Variants in GINM1 observed in about 807,000 individuals in gnomAD.
The protein encoded by GINM1 is glycosylated integral membrane protein 1, also known as glycoprotein integral membrane protein 1.
In GINM1, 29 loss-of-function variants were observed where a neutral mutation model predicts 37.8. The observed-to-expected ratio is 0.77, with a 90% CI of 0.57 to 1.05. GINM1 has a LOEUF of 1.05. Ranked by LOEUF, GINM1 falls within the 50% of genes least tolerant of loss-of-function variation. The pLI, the probability that GINM1 is intolerant of heterozygous loss-of-function variation, is 0.00. For synonymous variants in GINM1, 143 were observed against 146.2 expected, an observed-to-expected ratio of 0.98 and a Z score of 0.16; for missense variants, 377 against 397.9, an observed-to-expected ratio of 0.95 and a Z score of 0.45.
Position 149,583,231 on chromosome 6 carries a change from G to A in GINM1, c.881+628G>A, listed in dbSNP as rs557824471. On this transcript the variant is annotated intron_variant, in intron 7 of 7. Coordinates refer to ENST00000367419, the MANE Select transcript of GINM1 (RefSeq NM_138785.5). ...TGTAATCCTGGCACTTTGGGAGGCC[G>A]AGGCGGGCAGATCACAAGGTCAGGA... Among the ~76,000 whole-genome samples, 13 of 152,230 alleles carry A rather than the reference G, an allele frequency of 8.5e-5. No homozygotes were observed. In the East Asian group the frequency reaches 1.7e-3, roughly 20 times the overall value.
intron 3 of GINM1, 85 bp downstream of exon 3, chr6:149,572,688 G>A (rs1777848414): frequency 2.4e-6 from 2 of 837,176 alleles, no homozygotes; most frequent in South Asian, 2.8e-5. Flanking sequence ...TTTTGAGACA[G>A]TCTTGCTCTG....
At chr6:149,568,068 C>T (rs2115053432) in intron 1 of GINM1, among the ~76,000 whole-genome samples, 1 of 152,340 alleles carries the variant, frequency 6.6e-6, no homozygotes, top group South Asian at 2.1e-4. Context: ...GTTCTCCCTT[C>T]TTGGGCCTTC....
At chr6:149,570,892 T>C (rs531637345) in intron 1 of GINM1, among the ~76,000 whole-genome samples, 2 of 152,340 alleles carry the variant, frequency 1.3e-5, no homozygotes, top group South Asian at 4.1e-4. Flanking sequence ...CTTCTTAAAA[T>C]AGTGCTTGCT....
chr6:149,586,891 C>A (rs146955488), intron 7 of GINM1, among the ~76,000 whole-genome samples: 2 of 151,736 alleles, frequency 1.3e-5, no homozygotes, highest in East Asian at 3.9e-4. Context: ...CTCAAGTGAT[C>A]CTCTCACCTC....
chr6:149,584,178 G>A (rs1031513728), intron 7 of GINM1, among the ~76,000 whole-genome samples: 14 of 152,168 alleles, frequency 9.2e-5, no homozygotes, highest in Non-Finnish European at 1.6e-4. Flanking sequence ...GTTTTTCCAC[G>A]TTGGCCCAGC....
chr6:149,585,570 T>C (rs1031793504), intron 7 of GINM1, among the ~76,000 whole-genome samples: 4 of 152,004 alleles, frequency 2.6e-5, no homozygotes, highest in African/African-American at 4.8e-5. Flanking sequence ...AAGACAAATA[T>C]AAAGATTTTT....
At chr6:149,574,047 A>AT (rs35023561) in intron 3 of GINM1, among the ~76,000 whole-genome samples, 3,629 of 129,302 alleles carry the variant, frequency 0.028, 77 homozygotes, top group Non-Finnish European at 0.043. Flanking sequence ...TATACATAGG[A>AT]TTTTTTTTTT....
At chr6:149,572,801 G>A (rs544046574) in intron 3 of GINM1, among the ~76,000 whole-genome samples, 198 bp downstream of exon 3, 151 of 152,194 alleles carry the variant, frequency 9.9e-4, no homozygotes, top group African/African-American at 3.4e-3. Context: ...AGCTGGGACT[G>A]CAGGCATGTG....
In GINM1 at chr6:149,573,884, T is replaced by C. The variant is rs574846622; in HGVS notation, c.277+1281T>C. On this transcript the variant is annotated intron_variant, in intron 3 of 7. Coordinates refer to ENST00000367419, the MANE Select transcript of GINM1 (RefSeq NM_138785.5). ...GGATAGCAAGAGCCAAGAAAATGAA[T>C]TGTCTGATTATCTAGTATTCAGTTT... 2.0e-5 allele frequency among the ~76,000 whole-genome samples: 3 copies of C among 151,480 alleles called. No homozygotes were observed. The South Asian group carries it at 6.3e-4, about 32-fold the overall frequency.
intron 7 of GINM1, 43 bp downstream of exon 7, chr6:149,582,646 TA>T (rs1392242150): frequency 7.6e-7 from 1 of 1,323,734 alleles, no homozygotes; most frequent in South Asian, 1.4e-5. Flanking sequence ...TTTTAATGAT[TA>T]AAAAGTGAGA....
In GINM1 at chr6:149,574,875, G is replaced by A. The variant is rs2115057663; in HGVS notation, c.277+2272G>A. ...AGAGTGAGACCCTGTCTCAAAAAAT[G>A]AATTTAAAAAATAAAAATAAATAAA... On this transcript the variant is annotated intron_variant, in intron 3 of 7. Coordinates refer to ENST00000367419, the MANE Select transcript of GINM1 (RefSeq NM_138785.5). Among the ~76,000 whole-genome samples, 3 of 152,188 alleles carry A rather than the reference G, an allele frequency of 2.0e-5. No individual in the cohort carries two copies. In the Middle Eastern group the frequency reaches 0.01, roughly 518 times the overall value.
chr6:149,583,324 G>A (rs779978617), intron 7 of GINM1, among the ~76,000 whole-genome samples: 21 of 152,100 alleles, frequency 1.4e-4, no homozygotes, highest in East Asian at 7.7e-4. Context: ...TTAGCCAGCC[G>A]TGGTGGCAGG....
At chr6:149,572,456 T>C (rs1254482858) in intron 2 of GINM1, 51 bp from the exon 3 acceptor site, 1 of 1,309,520 alleles carries the variant, frequency 7.6e-7, no homozygotes, top group African/African-American at 1.5e-5. Flanking sequence ...TTGAAGAGTT[T>C]GCTATTGTTT....
Position 149,582,438 on chromosome 6 carries a change from A to C in GINM1, c.718-2A>C, listed in dbSNP as rs375106655. On this transcript the variant is annotated splice_acceptor_variant, in intron 6 of 7. Coordinates refer to ENST00000367419, the MANE Select transcript of GINM1 (RefSeq NM_138785.5). LOFTEE classifies it high-confidence loss of function. ...CATATCTAATCGAAATTCCTTTTTC[A>C]GGTAATGTGTCAGTGGATGGAAAAG... 1 of 1,596,790 alleles carries C rather than the reference A, an allele frequency of 6.3e-7. No individual in the cohort carries two copies. The highest frequency in any genetic ancestry group is 1.4e-5 in the African/African-American group (1 of 73,888).
At chr6:149,571,187 T>G (rs1426929677) in intron 1 of GINM1, among the ~76,000 whole-genome samples, 1 of 151,912 alleles carries the variant, frequency 6.6e-6, no homozygotes, top group Admixed American at 6.6e-5. Flanking sequence ...TGGTGATGCA[T>G]GCCTGTAATC....
At chr6:149,574,176 G>A (rs546795607) in intron 3 of GINM1, among the ~76,000 whole-genome samples, 30 of 150,918 alleles carry the variant, frequency 2.0e-4, no homozygotes, top group African/African-American at 6.6e-4. Flanking sequence ...TCAGCCTCCC[G>A]AGTAGCTTGG....
rs1777986449 is a variant in GINM1, at chr6:149,580,691, C to T, written c.685C>T (p.Pro229Ser). Residue 229 changes from proline to serine, a missense_variant, in exon 6 of 8, where the codon CCT (proline) becomes TCT (serine). Physicochemically the swap from Pro to Ser is moderately conservative, Grantham distance 74 (BLOSUM62 -1). Transcript: ENST00000367419. The stretch of plus-strand genomic sequence containing the variant: ...TTTACCTGGCAAGTTACCTGAAACT[C>T]CTCTCAGAGCAGAGCCGCCATCTTC... ...DVLPGKLPET[P>S]LRAEPPSSYK... The T allele has an allele frequency of 3.1e-6, 5 of 1,613,896 alleles. No homozygotes were observed. Among genetic ancestry groups the T allele is most frequent in the Non-Finnish European group, 4.2e-6 (5 of 1,179,838 alleles).
chr6:149,569,759 T>C (rs1777781873), intron 1 of GINM1, among the ~76,000 whole-genome samples: 1 of 152,172 alleles, frequency 6.6e-6, no homozygotes, highest in Non-Finnish European at 1.5e-5. Flanking sequence ...TCAGACGTAT[T>C]TTAAACCAGC....
rs1485179756 is a variant in GINM1, at chr6:149,572,327, G to T, written c.163G>T (p.Asp55Tyr). Reference protein sequence around the residue: ...INVTTLKDDGDISKQQVVLNI... With the variant: ...INVTTLKDDGYISKQQVVLNI... ...TGTAACTACACTGAAAGATGATGGGGACATATCTAAACAGCAGGTTTGTCT... is the reference window on the plus strand; with the variant it reads ...TGTAACTACACTGAAAGATGATGGGTACATATCTAAACAGCAGGTTTGTCT... Residue 55 changes from aspartate (D) to tyrosine (Y), a missense_variant, in exon 2 of 8, where the codon GAC becomes TAC. By Grantham distance (160) the Asp-to-Tyr change is radical (BLOSUM62 -3). Transcript: ENST00000367419. The T allele has an allele frequency of 3.8e-6, 6 of 1,599,716 alleles. No homozygotes were observed. Among genetic ancestry groups the T allele is most frequent in the Non-Finnish European group, 5.1e-6 (6 of 1,172,472 alleles).
Sources: allele counts gnomAD v4.1 joint callset (sites outside exome capture counted in the v4.1 genomes callset), GRCh38; gene constraint gnomAD v4.1.1; transcripts MANE v1.5; gene names NCBI Gene and HGNC (gene_info 2026-07-23, HGNC 2026-07-21).